The following CUX2 variants were observed in gnomAD, a reference collection of about 807,000 sequenced individuals.
CUX2 encodes cut like homeobox 2.
In CUX2, 40 loss-of-function variants were observed where a neutral mutation model predicts 144.8. That is an observed-to-expected ratio of 0.28 (90% CI 0.21 to 0.36). CUX2 has a LOEUF of 0.36. Among genes scored for constraint, CUX2 ranks in the 10% least tolerant of loss-of-function variants. CUX2 has a pLI of 1.00. For missense variants in CUX2, 1,615 were observed against 1,994.0 expected, an observed-to-expected ratio of 0.81 and a Z score of 3.62; for synonymous variants, 827 against 875.6, an observed-to-expected ratio of 0.94 and a Z score of 0.98.
intron 18 of CUX2, among the ~76,000 whole-genome samples, chr12:111,329,276 C>G (rs73199873): frequency 0.2 from 29,883 of 151,116 alleles, 3,795 homozygotes; most frequent in African/African-American, 0.37. Flanking sequence ...GTCTGGCACC[C>G]CACCCACAAG....
chr12:111,044,682 G>A (rs1592845548), intron 1 of CUX2, among the ~76,000 whole-genome samples: 1 of 152,222 alleles, frequency 6.6e-6, no homozygotes, highest in Non-Finnish European at 1.5e-5. Context: ...CCTCTCTGGG[G>A]AGGGCAGGGA....
intron 1 of CUX2, among the ~76,000 whole-genome samples, chr12:111,102,206 C>T (rs904564804): frequency 6.6e-6 from 1 of 152,178 alleles, no homozygotes; most frequent in African/African-American, 2.4e-5. Context: ...GTGGGCCGCG[C>T]CAAATGCTGT....
At chr12:111,117,857 G>A (rs921372814) in intron 1 of CUX2, among the ~76,000 whole-genome samples, 15 of 152,192 alleles carry the variant, frequency 9.9e-5, no homozygotes, top group African/African-American at 3.6e-4. Flanking sequence ...TTTGAATGCA[G>A]GCCAAGCTTG....
In CUX2 at chr12:111,348,400, G is replaced by A; in HGVS notation, c.*75G>A. ...CGCACTTACTCTCCTCAACAGGATG[G>A]GGTAAGGGAGGGAGGAACTCAACCA... On this transcript the variant is annotated 3_prime_UTR_variant, in exon 22 of 22. Transcript: ENST00000261726. 1 of 1,341,700 alleles carries A rather than the reference G, an allele frequency of 7.5e-7. No homozygotes were observed. Among genetic ancestry groups the A allele is most frequent in the South Asian group, 1.3e-5 (1 of 74,286 alleles). The allele number at this position is 1,341,700 out of a possible 1,614,324, so 83.1% of individuals were successfully genotyped here. A position where few individuals can be genotyped will look rare whatever the true frequency, so the allele number is the denominator to read the frequency against.
At position 111,179,881 on chromosome 12, in the gene CUX2, G is replaced by A. The variant is rs535332877; in HGVS notation, c.64-34319G>A. ...GTATTTTTAGTAGAGACAGGGTTTC[G>A]CCCTGTTGGCCAGGCTGGTCTGGAG... On this transcript the variant is annotated intron_variant, in intron 1 of 21. Transcript: ENST00000261726. Among the ~76,000 whole-genome samples, 10 of 152,162 alleles carry A rather than the reference G, an allele frequency of 6.6e-5. No homozygotes were observed. In the South Asian group the frequency reaches 2.1e-3, roughly 32 times the overall value.
intron 1 of CUX2, among the ~76,000 whole-genome samples, chr12:111,044,107 C>T (rs1295524100): frequency 6.6e-6 from 1 of 152,232 alleles, no homozygotes; most frequent in Non-Finnish European, 1.5e-5. Context: ...CTCCTTCACA[C>T]TGGCTCCCTC....
intron 1 of CUX2, among the ~76,000 whole-genome samples, chr12:111,109,177 G>T (rs1566227225): frequency 6.6e-6 from 1 of 152,150 alleles, no homozygotes; most frequent in Non-Finnish European, 1.5e-5. Context: ...CGTTCTTCCT[G>T]TCCCTCTTTC....
rs1876684238 is a variant in CUX2 at position 111,146,555 on chromosome 12, C to G, written c.64-67645C>G. Among the ~76,000 whole-genome samples the G allele has an allele frequency of 2.6e-5, 4 of 152,186 alleles. No homozygotes were observed. In the South Asian group the frequency reaches 8.3e-4, roughly 32 times the overall value. On this transcript the variant is annotated intron_variant, in intron 1 of 21. Transcript: ENST00000261726. ...AGGGGTTGGGATAGCTTGTGGGTGG[C>G]CAATCTGTAGTGTTTGCCACAGGTA... is the stretch of plus-strand genomic sequence containing the variant.
chr12:111,214,453 C>A, intron 2 of CUX2, 143 bp downstream of exon 2: 1 of 555,504 alleles, frequency 1.8e-6, no homozygotes, highest in South Asian at 2.5e-5. Context: ...CAGCCCCTAA[C>A]CTTTCGGGGT....
intron 6 of CUX2, among the ~76,000 whole-genome samples, chr12:111,294,850 T>C (rs951568938): frequency 6.6e-6 from 1 of 151,188 alleles, no homozygotes; most frequent in African/African-American, 2.4e-5. Context: ...GTGAGCCGAG[T>C]TCGGGTCACT....
At chr12:111,220,085 A>C (rs536649965) in intron 3 of CUX2, among the ~76,000 whole-genome samples, 2 of 151,978 alleles carry the variant, frequency 1.3e-5, no homozygotes, top group Admixed American at 1.3e-4. Flanking sequence ...CGGAGGTTGC[A>C]GTGAGCCAAG....
intron 3 of CUX2, among the ~76,000 whole-genome samples, chr12:111,228,081 A>G (rs1882255913): frequency 6.6e-6 from 1 of 152,156 alleles, no homozygotes; most frequent in African/African-American, 2.4e-5. Flanking sequence ...CTGGAGCCCC[A>G]CTATATGCAG....
intron 19 of CUX2, 142 bp downstream of exon 19, chr12:111,334,852 T>C (rs1888276843): frequency 2.1e-6 from 2 of 934,988 alleles, no homozygotes; most frequent in Non-Finnish European, 3.1e-6. Flanking sequence ...GAGGATCGCT[T>C]GAGGCCAGGA....
chr12:111,070,047 C>T (rs73413532), intron 1 of CUX2, among the ~76,000 whole-genome samples: 11,066 of 152,152 alleles, frequency 0.073, 1,339 homozygotes, highest in African/African-American at 0.25. Context: ...AGCTCCTGGC[C>T]GCAGAGCTTG....
chr12:111,157,353 C>T (rs1308414617), intron 1 of CUX2, among the ~76,000 whole-genome samples: 1 of 151,404 alleles, frequency 6.6e-6, no homozygotes, highest in Non-Finnish European at 1.5e-5. Context: ...TACTAAAAGA[C>T]CAGCTCATGC....
intron 1 of CUX2, among the ~76,000 whole-genome samples, chr12:111,133,825 A>G (rs978482147): frequency 6.6e-6 from 1 of 152,130 alleles, no homozygotes; most frequent in African/African-American, 2.4e-5. Context: ...TAGGACGTGG[A>G]GAGGCCACTC....
chr12:111,339,010 A>G (rs956819818), intron 20 of CUX2, among the ~76,000 whole-genome samples: 2 of 152,154 alleles, frequency 1.3e-5, no homozygotes, highest in African/African-American at 4.8e-5. Flanking sequence ...AGGCGGGCAG[A>G]TCACCTGAGG....
chr12:111,131,572 T>C (rs1258065420), intron 1 of CUX2, among the ~76,000 whole-genome samples: 1 of 152,124 alleles, frequency 6.6e-6, no homozygotes, highest in South Asian at 2.1e-4. Context: ...CCTATAAGCC[T>C]ATAAAATCAA....
At chr12:111,253,095 C>G (rs1039475940) in intron 3 of CUX2, among the ~76,000 whole-genome samples, 11 of 152,096 alleles carry the variant, frequency 7.2e-5, no homozygotes, top group African/African-American at 2.7e-4. Context: ...GGTTGTTCTC[C>G]TGGAACTCGG....
Sources: allele counts gnomAD v4.1 joint callset (sites outside exome capture counted in the v4.1 genomes callset), GRCh38; gene constraint gnomAD v4.1.1; transcripts MANE v1.5; gene names NCBI Gene and HGNC (gene_info 2026-07-23, HGNC 2026-07-21).